Variants in SYNE1 observed in about 807,000 individuals in gnomAD.
SYNE1 encodes spectrin repeat containing nuclear envelope protein 1.
In SYNE1, 616 loss-of-function variants were observed where a neutral mutation model predicts 1,111.0. The observed-to-expected ratio is 0.55, with a 90% CI of 0.52 to 0.59. The LOEUF is 0.59. SYNE1 is among the 20% of genes least tolerant of loss of function. The pLI, the probability that SYNE1 is intolerant of heterozygous loss-of-function variation, is 0.00. For synonymous variants in SYNE1, 3,855 were observed against 3,825.8 expected (o/e 1.01, Z -0.28); for missense variants, 10,006 against 10,417.0 (o/e 0.96, Z 1.72).
At chr6:152,408,275 T>A (rs1196353711) in intron 44 of SYNE1, among the ~76,000 whole-genome samples, 1 of 152,214 alleles carries the variant, frequency 6.6e-6, no homozygotes, top group Non-Finnish European at 1.5e-5. Context: ...TGGCTTGATA[T>A]CTATATTTCC....
chr6:152,199,183 T>A (rs1051490099), intron 127 of SYNE1, among the ~76,000 whole-genome samples: 2 of 120,658 alleles, frequency 1.7e-5, no homozygotes, highest in African/African-American at 5.5e-5. Context: ...TGATTTAAAA[T>A]TTTTTTTTCC....
intron 127 of SYNE1, among the ~76,000 whole-genome samples, chr6:152,197,787 C>A (rs1249571850): frequency 1.3e-5 from 2 of 152,124 alleles, no homozygotes; most frequent in Non-Finnish European, 2.9e-5. Context: ...TAGCATAATT[C>A]TTAAAGGCCT....
At chr6:152,514,756 C>G (rs189900380) in intron 6 of SYNE1, among the ~76,000 whole-genome samples, 96 of 152,214 alleles carry the variant, frequency 6.3e-4, no homozygotes, top group South Asian at 1.0e-3. Flanking sequence ...AGGGAACTGT[C>G]TACAAGCCAG....
intron 2 of SYNE1, among the ~76,000 whole-genome samples, chr6:152,634,650 T>G (rs1183418154): frequency 6.6e-6 from 1 of 152,200 alleles, no homozygotes; most frequent in East Asian, 1.9e-4. Flanking sequence ...CAATAAGAAA[T>G]GATCTTTTCC....
chr6:152,387,040 T>C (rs1238868256), intron 54 of SYNE1, 32 bp downstream of exon 54: 12 of 1,577,144 alleles, frequency 7.6e-6, no homozygotes, highest in Non-Finnish European at 1.0e-5. Context: ...TAATGTATTA[T>C]AAAGCATCTA....
chr6:152,346,559 C>T (rs2096635402), intron 73 of SYNE1, among the ~76,000 whole-genome samples: 1 of 151,966 alleles, frequency 6.6e-6, no homozygotes, highest in Non-Finnish European at 1.5e-5. Context: ...ACCTGTAATC[C>T]CAGCACGTTG....
intron 3 of SYNE1, among the ~76,000 whole-genome samples, chr6:152,604,984 G>C (rs2099608230): frequency 4.5e-5 from 1 of 22,224 alleles, no homozygotes; most frequent in African/African-American, 2.0e-4. Context: ...AAGAAAGAAA[G>C]AAAGAAAGAA....
intron 23 of SYNE1, 27 bp downstream of exon 23, chr6:152,455,859 A>G (rs769431824): frequency 6.2e-7 from 1 of 1,613,878 alleles, no homozygotes; most frequent in East Asian, 2.2e-5. Flanking sequence ...CCTGGCTCAC[A>G]GCTCTAAAGC....
rs749172868 is a variant in SYNE1 at position 152,387,249 on chromosome 6, G to A, written c.8310C>T (p.Phe2770=). The change falls in exon 54 of 146, where the codon TTC becomes TTT. Residue 2770 remains phenylalanine, a synonymous_variant. Coordinates refer to ENST00000367255, the MANE Select transcript of SYNE1 (RefSeq NM_182961.4). ...TGGACTGGAGGTGGTCAAGCAGGAC[G>A]AACTTCTCTTTCAGACCTGGCTGTG... is the stretch of plus-strand genomic sequence containing the variant. ...LQPQPGLKEK[F]VLLDHLQSIL... 3.1e-6 allele frequency: 5 copies of A among 1,614,140 alleles called. No homozygotes were observed. Among genetic ancestry groups the A allele is most frequent in the South Asian group, 1.1e-5 (1 of 91,072 alleles).
At chr6:152,289,679 T>G (rs2094489917) in intron 95 of SYNE1, among the ~76,000 whole-genome samples, 1 of 152,132 alleles carries the variant, frequency 6.6e-6, no homozygotes, top group Non-Finnish European at 1.5e-5. Flanking sequence ...CAGGCTGGAG[T>G]GCGGTGGCGC....
intron 51 of SYNE1, among the ~76,000 whole-genome samples, chr6:152,393,290 G>A (rs1045703583): frequency 6.6e-6 from 1 of 152,090 alleles, no homozygotes; most frequent in African/African-American, 2.4e-5. Context: ...ACAGAGGAAG[G>A]TAATGAGCAG....
intron 132 of SYNE1, among the ~76,000 whole-genome samples, chr6:152,155,641 G>GTTA (rs1563080162): frequency 6.6e-6 from 1 of 152,128 alleles, no homozygotes; most frequent in East Asian, 1.9e-4. Flanking sequence ...ATTCTGTAAT[G>GTTA]TTATGCTTGT....
chr6:152,416,704 A>T lies in SYNE1; in HGVS notation c.5733T>A (p.Asp1911Glu). ...ESDLIEKDLN[D>E]ALQNAKALES... ...CTAATGCTTTAGCATTTTGAAGAGC[A>T]TCATTGAGGTCCTTTTCTATCAAAT... Residue 1911 changes from aspartate to glutamate, a missense_variant, in exon 41 of 146, where the codon GAT (aspartate) becomes GAA (glutamate). Asp to Glu is a conservative substitution (Grantham distance 45). This residue lies in a region of SYNE1 where 4,955 missense variants were observed against 5,017.2 expected (regional missense o/e 0.99). Transcript: ENST00000367255. 1 of 1,614,206 alleles carries T rather than the reference A, an allele frequency of 6.2e-7. No individual in the cohort carries two copies. Among genetic ancestry groups the T allele is most frequent in the East Asian group, 2.2e-5 (1 of 44,888 alleles).
Position 152,233,778 on chromosome 6 carries a change from T to C in SYNE1, c.20712+3A>G. On this transcript the variant is annotated splice_donor_region_variant and intron_variant, in intron 112 of 145. Coordinates refer to ENST00000367255, the MANE Select transcript of SYNE1 (RefSeq NM_182961.4). ...TTTCCCACGAAAGCAATCCTTTCTGTACCTGGTGGAGCTTCTCCTGGACGG... is the reference window on the plus strand; with the variant it reads ...TTTCCCACGAAAGCAATCCTTTCTGCACCTGGTGGAGCTTCTCCTGGACGG... 1 of 1,614,194 alleles carries C rather than the reference T, an allele frequency of 6.2e-7. No homozygotes were observed. Among genetic ancestry groups the C allele is most frequent in the South Asian group, 1.1e-5 (1 of 91,086 alleles).
At chr6:152,167,703 A>C (rs1161095065) in intron 130 of SYNE1, 3 of 511,750 alleles carry the variant, frequency 5.9e-6, no homozygotes, top group Non-Finnish European at 1.2e-5. Flanking sequence ...TTTCAACTAC[A>C]AAGCTGTGAA....
At chr6:152,369,982 C>CA (rs778013525) in intron 59 of SYNE1, among the ~76,000 whole-genome samples, 32,918 of 49,834 alleles carry the variant, frequency 0.66, 12,476 homozygotes, top group Non-Finnish European at 0.76. Flanking sequence ...GACTCTGTCT[C>CA]AAAAAAAAAA....
At chr6:152,358,041 C>T (rs923387213) in intron 66 of SYNE1, among the ~76,000 whole-genome samples, 1 of 152,172 alleles carries the variant, frequency 6.6e-6, no homozygotes, top group Non-Finnish European at 1.5e-5. Flanking sequence ...CCGCTGTCCC[C>T]CAGATCTGAT....
intron 105 of SYNE1, 125 bp from the exon 106 acceptor site, chr6:152,244,781 G>T: frequency 7.7e-7 from 1 of 1,298,736 alleles, no homozygotes. Flanking sequence ...TATACAAAAG[G>T]AATCATTTCA....
chr6:152,231,561 T>C lies in SYNE1; in HGVS notation c.20869A>G (p.Lys6957Glu), dbSNP rs1346360862. The change falls in exon 114 of 146, where the codon AAG (lysine) becomes GAG (glutamate). Residue 6957 changes from lysine to glutamate, a missense_variant. Lys to Glu is a moderately conservative substitution (Grantham distance 56). Around this residue, in one of 7 missense-constraint regions of SYNE1, gnomAD observed 2,182 missense variants for 2,287.8 expected, o/e 0.95. Coordinates refer to ENST00000367255, the MANE Select transcript of SYNE1 (RefSeq NM_182961.4). The part of the protein sequence containing the change: ...HEYLQKYKGF[K>E]IDINCKQLTV... ...AGCTGTTTACAGTTAATGTCTATCT[T>C]AAAACCCTAAAAAAAAAGAGGAGAA... is the stretch of plus-strand genomic sequence containing the variant. The C allele has an allele frequency of 1.2e-6, 2 of 1,613,830 alleles. No homozygotes were observed. The highest frequency in any genetic ancestry group is 1.3e-5 in the African/African-American group (1 of 74,886).
Sources: allele counts gnomAD v4.1 joint callset (sites outside exome capture counted in the v4.1 genomes callset), GRCh38; gene constraint gnomAD v4.1.1; regional missense constraint gnomAD v4.1.1; transcripts MANE v1.5; gene names NCBI Gene and HGNC (gene_info 2026-07-23, HGNC 2026-07-21).